Variants in SOCS5 observed in about 807,000 individuals in gnomAD.
SOCS5 encodes the protein suppressor of cytokine signaling 5, also known as CIS-6.
A neutral mutation model predicts 42.8 loss-of-function variants in SOCS5; 32 were observed. The ratio of observed to expected loss-of-function variants is 0.75; its 90% confidence interval spans 0.56 to 1.01. The LOEUF is 1.01. Among genes scored for constraint, SOCS5 ranks in the 50% least tolerant of loss-of-function variants. SOCS5 has a pLI of 0.00. For missense variants in SOCS5, 627 were observed against 653.0 expected (o/e 0.96, Z 0.43); for synonymous variants, 283 against 229.6 (o/e 1.23, Z -2.10).
intron 1 of SOCS5, among the ~76,000 whole-genome samples, chr2:46,736,753 T>A (rs534989017): frequency 6.6e-6 from 1 of 152,310 alleles, no homozygotes; most frequent in East Asian, 1.9e-4. Flanking sequence ...GTGCTACCCC[T>A]AAACACCTAT....
rs779946485 is a variant in SOCS5, at chr2:46,758,733, G to T, written c.203G>T (p.Gly68Val). The T allele has an allele frequency of 9.9e-6, 16 of 1,613,954 alleles. No individual in the cohort carries two copies. The South Asian group carries it at 1.2e-4, about 12-fold the overall frequency. Residue 68 changes from glycine (G) to valine (V), a missense_variant, in exon 2 of 2, where the codon GGA becomes GTA. Around this residue, in one of 3 missense-constraint regions of SOCS5, gnomAD observed 278 missense variants for 246.3 expected, o/e 1.13. Transcript: ENST00000394861. ...PLRENIALQL[G>V]LSPSKNSSRR... ...AGAGAAAATATTGCCTTACAACTGG[G>T]ATTAAGCCCTTCGAAGAATTCTTCA...
At chr2:46,725,248 CTCA>C (rs1672965928) in intron 1 of SOCS5, among the ~76,000 whole-genome samples, 1 of 151,844 alleles carries the variant, frequency 6.6e-6, no homozygotes, top group Admixed American at 6.6e-5. Flanking sequence ...ACCTACTTAT[CTCA>C]TCATATTTGA....
At position 46,699,308 on chromosome 2, in the gene SOCS5, G is replaced by C. The variant is rs1005006864; in HGVS notation, c.-154G>C. 6.6e-6 allele frequency: 1 copy of C among 152,196 alleles called. No individual in the cohort carries two copies. The highest frequency in any genetic ancestry group is 6.5e-5 in the Admixed American group (1 of 15,284). The allele number at this position is 152,196 out of a possible 1,614,324, so 9.4% of individuals were successfully genotyped here. ...TCCCCGGGCTCCGTCCGGAGGAAGC[G>C]ACGCTGCGCTCGCTGGGCAGTCGGA... On this transcript the variant is annotated 5_prime_UTR_variant, in exon 1 of 2. Transcript: ENST00000394861. This position sits in a 1 kb window ranked among gnomAD's most constrained non-coding sequence, Gnocchi z 4.8.
chr2:46,730,059 G>A (rs1304607541), intron 1 of SOCS5, among the ~76,000 whole-genome samples: 1 of 152,074 alleles, frequency 6.6e-6, no homozygotes, highest in Non-Finnish European at 1.5e-5. Flanking sequence ...ATTAGAATAG[G>A]AGTTTTTCAG....
intron 1 of SOCS5, among the ~76,000 whole-genome samples, chr2:46,740,216 A>T (rs1673340690): frequency 6.6e-6 from 1 of 152,192 alleles, no homozygotes; most frequent in Non-Finnish European, 1.5e-5. Flanking sequence ...ACCTGGCCAT[A>T]GGTGATTGGA....
At chr2:46,750,356 T>C (rs186520289) in intron 1 of SOCS5, among the ~76,000 whole-genome samples, 44 of 151,496 alleles carry the variant, frequency 2.9e-4, no homozygotes, top group African/African-American at 1.0e-3. Context: ...AAATACTTAC[T>C]TTTTTTTTAA....
In SOCS5 at chr2:46,759,925, C is replaced by T. The variant is rs1235826545; in HGVS notation, c.1395C>T (p.Cys465=). Residue 465 remains cysteine, a synonymous_variant, in exon 2 of 2, where the codon TGC becomes TGT. Transcript: ENST00000394861. Reference sequence around the variant, plus strand: ...AACATTATAAAGATCCCAGTTCGTGCATGTTTTTTGAACCATTGCTTACTA... The same window carrying T: ...AACATTATAAAGATCCCAGTTCGTGTATGTTTTTTGAACCATTGCTTACTA... ...LLEHYKDPSS[C]MFFEPLLTIS... 7 of 1,614,120 alleles carry T rather than the reference C, an allele frequency of 4.3e-6. No individual in the cohort carries two copies. Among genetic ancestry groups the T allele is most frequent in the South Asian group, 3.3e-5 (3 of 91,074 alleles).
intron 1 of SOCS5, among the ~76,000 whole-genome samples, chr2:46,733,157 C>T (rs538017122): frequency 2.4e-4 from 36 of 152,060 alleles, no homozygotes; most frequent in Admixed American, 5.2e-4. Context: ...TGCAGTGGCG[C>T]GATCTCAGCT....
rs1553334083 is a variant in SOCS5, at chr2:46,703,354, G to GGT, written c.-13+3905_-13+3906insGT. Among the ~76,000 whole-genome samples, 190 of 147,434 alleles carry GGT rather than the reference G, an allele frequency of 1.3e-3. 7 individuals are homozygous for GGT. In the South Asian group the frequency reaches 0.04, roughly 31 times the overall value. On this transcript the variant is annotated intron_variant, in intron 1 of 1. Coordinates refer to ENST00000394861, the MANE Select transcript of SOCS5 (RefSeq NM_144949.3). ...CATGTAGCCATCACAAGTTTTCACA[G>GGT]TTTTTTTTTTTTCACTGATGCAGAA...
In SOCS5 at chr2:46,758,607, G is replaced by A. The variant is rs769856585; in HGVS notation, c.77G>A (p.Arg26His). 40 of 1,613,710 alleles carry A rather than the reference G, an allele frequency of 2.5e-5. No individual in the cohort carries two copies. Among genetic ancestry groups the A allele is most frequent in the Non-Finnish European group, 3.4e-5 (40 of 1,179,648 alleles). The change falls in exon 2 of 2, where the codon CGT (arginine) becomes CAT (histidine). Residue 26 changes from arginine (R) to histidine (H), a missense_variant. Physicochemically the swap from Arg to His is conservative, Grantham distance 29. Around this residue, in one of 3 missense-constraint regions of SOCS5, gnomAD observed 278 missense variants for 246.3 expected, o/e 1.13. Coordinates refer to ENST00000394861, the MANE Select transcript of SOCS5 (RefSeq NM_144949.3). ...QNLFGHEGGS[R>H]SENVDMNSNR... ...CTCTTCGGTCATGAGGGAGGAAGCC[G>A]TAGTGAAAATGTGGACATGAACTCC...
intron 1 of SOCS5, among the ~76,000 whole-genome samples, chr2:46,749,942 A>G (rs1673588611): frequency 6.6e-6 from 1 of 152,232 alleles, no homozygotes; most frequent in Non-Finnish European, 1.5e-5. Flanking sequence ...GATGCTAGAT[A>G]ATACTGGTAA....
intron 1 of SOCS5, among the ~76,000 whole-genome samples, chr2:46,701,587 G>A (rs919225751): frequency 4.0e-5 from 6 of 151,790 alleles, no homozygotes; most frequent in Non-Finnish European, 8.8e-5. Flanking sequence ...AATGGTTTTT[G>A]GATTATTTGT....
rs142866121 is a variant in SOCS5 at position 46,759,693 on chromosome 2, G to T, written c.1163G>T (p.Arg388Leu). The change falls in exon 2 of 2, where the codon CGT becomes CTT. Residue 388 changes from arginine to leucine, a missense_variant. Arg to Leu is a moderately radical substitution (Grantham distance 102). Transcript: ENST00000394861. Reference protein sequence around the residue: ...GNPCYWGVMDRYEAEALLEGK... With the variant: ...GNPCYWGVMDLYEAEALLEGK... ...CCCTGTTACTGGGGAGTGATGGACC[G>T]TTATGAAGCAGAAGCCCTTCTCGAA... 3.7e-6 allele frequency: 6 copies of T among 1,614,098 alleles called. No individual in the cohort carries two copies. The highest frequency in any genetic ancestry group is 5.1e-6 in the Non-Finnish European group (6 of 1,179,998).
At chr2:46,710,273 A>C (rs1672588528) in intron 1 of SOCS5, among the ~76,000 whole-genome samples, 2 of 152,072 alleles carry the variant, frequency 1.3e-5, no homozygotes, top group African/African-American at 4.8e-5. Flanking sequence ...CAGCCTCCTG[A>C]GTAACTGGGA....
intron 1 of SOCS5, among the ~76,000 whole-genome samples, chr2:46,709,910 C>G (rs1173059898): frequency 1.3e-5 from 2 of 152,130 alleles, no homozygotes; most frequent in African/African-American, 2.4e-5. Context: ...ACTTCTATAA[C>G]AGCAATTCTT....
chr2:46,724,404 G>A (rs1269608704), intron 1 of SOCS5, among the ~76,000 whole-genome samples: 1 of 151,942 alleles, frequency 6.6e-6, no homozygotes, highest in Non-Finnish European at 1.5e-5. Flanking sequence ...CTGTAGGCAT[G>A]TCCTTTTATG....
At chr2:46,747,833 A>G (rs1326227067) in intron 1 of SOCS5, among the ~76,000 whole-genome samples, 3 of 152,140 alleles carry the variant, frequency 2.0e-5, no homozygotes, top group South Asian at 4.1e-4. Flanking sequence ...TTATCGTCAT[A>G]TTGTCCACAT....
At position 46,715,391 on chromosome 2, in the gene SOCS5, GAA is replaced by G. The variant is rs1192646489; in HGVS notation, c.-13+15947_-13+15948del. On this transcript the variant is annotated intron_variant, in intron 1 of 1. Transcript: ENST00000394861. ...CCTGTCAAAAAAAAAAAAAAGAAAA[GAA>G]AAAAGAAAAATGTCTTTAATATTTA... Among the ~76,000 whole-genome samples, 248 of 149,638 alleles carry G rather than the reference GAA, an allele frequency of 1.7e-3. 1 individual carries two copies. Among genetic ancestry groups the G allele is most frequent in the Non-Finnish European group, 3.1e-3 (206 of 67,322 alleles).
At chr2:46,734,339 C>T (rs1338020761) in intron 1 of SOCS5, among the ~76,000 whole-genome samples, 1 of 152,142 alleles carries the variant, frequency 6.6e-6, no homozygotes, top group Non-Finnish European at 1.5e-5. Flanking sequence ...GGGGTCAGAT[C>T]ATCAAATACC....
Sources: allele counts gnomAD v4.1 joint callset (sites outside exome capture counted in the v4.1 genomes callset), GRCh38; gene constraint gnomAD v4.1.1; regional missense constraint gnomAD v4.1.1; non-coding constraint Gnocchi (gnomAD v3.1); transcripts MANE v1.5; gene names NCBI Gene and HGNC (gene_info 2026-07-23, HGNC 2026-07-21).